The following SNX4 variants were observed in gnomAD, a reference collection of about 807,000 sequenced individuals.
The protein encoded by SNX4 is sorting nexin-4.
Under a neutral mutation model 70.8 loss-of-function variants are expected in SNX4, and 49 were observed. The ratio of observed to expected loss-of-function variants is 0.69; its 90% CI spans 0.55 to 0.88. The LOEUF (loss-of-function observed/expected upper bound fraction) is 0.88, where lower values mean the gene tolerates loss of function less well. Ranked by LOEUF, SNX4 falls within the 40% of genes least tolerant of loss-of-function variation. The pLI is 0.00. For missense variants in SNX4, 528 were observed against 544.8 expected (o/e 0.97, Z 0.31); for synonymous variants, 206 against 183.8 (o/e 1.12, Z -0.98).
chr3:125,446,872 ATAATT>A lies in SNX4; in HGVS notation c.*902_*906del, dbSNP rs1464249978. 1.3e-5 allele frequency: 2 copies of A among 152,636 alleles called. No homozygotes were observed. Among genetic ancestry groups the A allele is most frequent in the African/African-American group, 2.4e-5 (1 of 41,458 alleles). The allele number at this position is 152,636 out of a possible 1,614,324, so 9.5% of individuals were successfully genotyped here. On this transcript the variant is annotated 3_prime_UTR_variant, in exon 14 of 14. Coordinates refer to ENST00000251775, the MANE Select transcript of SNX4 (RefSeq NM_003794.4). ...ACAAACACACATACAAAAAAACAAT[ATAATT>A]TATCTTTACAAAAATTACAGCCAAG...
chr3:125,450,075 T>C (rs368039785), intron 13 of SNX4, among the ~76,000 whole-genome samples: 3 of 151,970 alleles, frequency 2.0e-5, no homozygotes, highest in Non-Finnish European at 2.9e-5. Context: ...TAAGACCCCA[T>C]TTCAACAAAA....
intron 8 of SNX4, 62 bp from the exon 9 acceptor site, chr3:125,469,581 G>A (rs1364950158): frequency 2.7e-6 from 3 of 1,128,530 alleles, no homozygotes; most frequent in African/African-American, 1.5e-5. Context: ...AGTATTAAAT[G>A]GACTCTTTTC....
In SNX4 at chr3:125,497,328, T is replaced by C. The variant is rs1461599121; in HGVS notation, c.597+13A>G. On this transcript the variant is annotated intron_variant, in intron 5 of 13. Coordinates refer to ENST00000251775, the MANE Select transcript of SNX4 (RefSeq NM_003794.4). ...GTAAAGGAACATGGCAAATTTCATA[T>C]AAATATTCTTACCTTCAGCTGAAAC... The C allele has an allele frequency of 2.5e-6, 4 of 1,587,980 alleles. No homozygotes were observed. In the African/African-American group the frequency reaches 4.0e-5, roughly 16 times the overall value.
At chr3:125,455,031 T>C (rs1446316431) in intron 11 of SNX4, among the ~76,000 whole-genome samples, 1 of 152,006 alleles carries the variant, frequency 6.6e-6, no homozygotes, top group Non-Finnish European at 1.5e-5. Context: ...TGGGCTCAAG[T>C]GATCCTCCCA....
At chr3:125,453,496 TTTTATTTATTTA>T (rs10543977) in intron 12 of SNX4, among the ~76,000 whole-genome samples, 14 of 121,668 alleles carry the variant, frequency 1.2e-4, no homozygotes, top group African/African-American at 8.5e-5. Flanking sequence ...TTTCTTTTAT[TTTTATTTATTTA>T]TTTATTTATT....
intron 6 of SNX4, among the ~76,000 whole-genome samples, chr3:125,486,366 AT>A (rs537804384): frequency 0.049 from 7,320 of 149,750 alleles, 417 homozygotes; most frequent in African/African-American, 0.13. Flanking sequence ...AGTTACATAG[AT>A]TTTTTTTTTT....
Position 125,460,866 on chromosome 3 carries a change from T to A in SNX4, c.855-6A>T. On this transcript the variant is annotated splice_polypyrimidine_tract_variant and splice_region_variant and intron_variant, in intron 9 of 13. Coordinates refer to ENST00000251775, the MANE Select transcript of SNX4 (RefSeq NM_003794.4). Reference sequence around the variant, plus strand: ...CATCAATAGAAGATGCATACCTGTTTTAAAAAAAAAAACACACATTGCATA... The same window carrying A: ...CATCAATAGAAGATGCATACCTGTTATAAAAAAAAAAACACACATTGCATA... The A allele has an allele frequency of 7.3e-7, 1 of 1,373,952 alleles. No individual in the cohort carries two copies. The highest frequency in any genetic ancestry group is 1.3e-5 in the South Asian group (1 of 74,694). 85.1% of individuals were successfully genotyped at this position (1,373,952 alleles called of 1,614,324 possible).
chr3:125,464,917 A>G (rs1017311366), intron 9 of SNX4, among the ~76,000 whole-genome samples: 5 of 151,514 alleles, frequency 3.3e-5, no homozygotes, highest in Middle Eastern at 3.4e-3. Context: ...GCTAATATTT[A>G]TATTTTTAGT....
In SNX4 at chr3:125,476,742, T is replaced by G. The variant is rs754568474; in HGVS notation, c.741A>C (p.Arg247=). The G allele has an allele frequency of 4.4e-6, 7 of 1,592,566 alleles. No homozygotes were observed. The highest frequency in any genetic ancestry group is 3.4e-5 in the Admixed American group (2 of 58,850). ...LLRVRARVAD[R]LYGVYKVHGN... Reference sequence around the variant, plus strand: ...CATGTACTTTATATACACCATAGAGTCGATCTGCTACTCTCTGAAATAAAT... The same window carrying G: ...CATGTACTTTATATACACCATAGAGGCGATCTGCTACTCTCTGAAATAAAT... Residue 247 remains arginine, a synonymous_variant, in exon 8 of 14, where the codon CGA becomes CGC. Coordinates refer to ENST00000251775, the MANE Select transcript of SNX4 (RefSeq NM_003794.4).
intron 1 of SNX4, among the ~76,000 whole-genome samples, chr3:125,512,066 TAA>T (rs1474733178): frequency 6.6e-5 from 10 of 152,102 alleles, no homozygotes; most frequent in Non-Finnish European, 1.0e-4. Flanking sequence ...TTATAAAATA[TAA>T]GTTTTTATAT....
At chr3:125,483,739 G>GA (rs1245437615) in intron 6 of SNX4, among the ~76,000 whole-genome samples, 13 of 152,014 alleles carry the variant, frequency 8.6e-5, no homozygotes, top group Non-Finnish European at 1.3e-4. Flanking sequence ...GTGCACCTTT[G>GA]AAAAAAATCA....
intron 6 of SNX4, among the ~76,000 whole-genome samples, chr3:125,483,733 A>G (rs773307623): frequency 6.6e-6 from 1 of 152,210 alleles, no homozygotes; most frequent in African/African-American, 2.4e-5. Flanking sequence ...ACAGATGTGC[A>G]CCTTTGAAAA....
chr3:125,496,459 T>C (rs372181872), intron 5 of SNX4, among the ~76,000 whole-genome samples: 15 of 152,298 alleles, frequency 9.8e-5, no homozygotes, highest in African/African-American at 3.4e-4. Context: ...TAAATTACTG[T>C]AAAAAAATTT....
At chr3:125,480,206 C>A (rs763268158) in intron 7 of SNX4, 41 bp downstream of exon 7, 36 of 1,250,620 alleles carry the variant, frequency 2.9e-5, no homozygotes, top group Non-Finnish European at 3.2e-5. Flanking sequence ...AGAAGCACTT[C>A]CTTATGCATG....
intron 1 of SNX4, among the ~76,000 whole-genome samples, chr3:125,511,575 T>C (rs960126488): frequency 9.9e-5 from 15 of 152,186 alleles, no homozygotes; most frequent in African/African-American, 3.6e-4. Flanking sequence ...CCCTAGGCCA[T>C]ATGTTTCAGA....
At chr3:125,464,569 T>C (rs1447945342) in intron 9 of SNX4, among the ~76,000 whole-genome samples, 4 of 134,116 alleles carry the variant, frequency 3.0e-5, no homozygotes, top group East Asian at 2.1e-4. Context: ...TCTTTCTTTT[T>C]TTTTTTTTTT....
chr3:125,474,759 C>A (rs554231077), intron 8 of SNX4, among the ~76,000 whole-genome samples: 2 of 152,272 alleles, frequency 1.3e-5, no homozygotes, highest in Non-Finnish European at 2.9e-5. Context: ...CTTTTGTCTA[C>A]CTGCCTCTCA....
intron 8 of SNX4, among the ~76,000 whole-genome samples, chr3:125,476,030 G>A (rs1018282183): frequency 6.6e-6 from 1 of 151,534 alleles, no homozygotes; most frequent in African/African-American, 2.4e-5. Flanking sequence ...CATTTTAGGA[G>A]GCCGAGGCGG....
intron 2 of SNX4, among the ~76,000 whole-genome samples, chr3:125,503,408 T>C (rs1050308256): frequency 1.2e-4 from 19 of 152,204 alleles, no homozygotes; most frequent in African/African-American, 4.6e-4. Flanking sequence ...TCCTTTAGCT[T>C]TTCCCTTAGG....
Sources: allele counts gnomAD v4.1 joint callset (sites outside exome capture counted in the v4.1 genomes callset), GRCh38; gene constraint gnomAD v4.1.1; transcripts MANE v1.5; gene names NCBI Gene and HGNC (gene_info 2026-07-23, HGNC 2026-07-21).